The following CMSS1 variants were observed in gnomAD, a reference collection of about 807,000 sequenced individuals.
The protein encoded by CMSS1 is protein CMSS1.
Under a neutral mutation model 43.5 loss-of-function variants are expected in CMSS1, and 33 were observed. That is an observed-to-expected ratio of 0.76 (90% confidence interval 0.57 to 1.01). CMSS1 has a LOEUF of 1.01. CMSS1 is among the 50% of genes least tolerant of loss of function. The pLI is 0.00. For synonymous variants in CMSS1, 115 were observed against 117.2 expected, an observed-to-expected ratio of 0.98 and a Z score of 0.12; for missense variants, 313 against 326.4, an observed-to-expected ratio of 0.96 and a Z score of 0.32.
At chr3:99,890,785 T>C (rs369278540) in intron 1 of CMSS1, among the ~76,000 whole-genome samples, 1 of 152,232 alleles carries the variant, frequency 6.6e-6, no homozygotes, top group East Asian at 1.9e-4. Context: ...TATTTAAATA[T>C]CTGAGGTCTT....
chr3:100,026,833 T>C lies in CMSS1; in HGVS notation c.65-120140T>C, dbSNP rs1189710714. 2.6e-5 allele frequency among the ~76,000 whole-genome samples: 4 copies of C among 152,240 alleles called. No individual in the cohort carries two copies. The South Asian group carries it at 6.2e-4, about 24-fold the overall frequency. ...ATTCTTTCTCTCCTGCAGCCAGAAC[T>C]GTAAGTCAGATCACATCGCCCCACT... On this transcript the variant is annotated intron_variant, in intron 1 of 9. Coordinates refer to ENST00000421999, the MANE Select transcript of CMSS1 (RefSeq NM_032359.4).
At chr3:100,074,072 T>C (rs1221627066) in intron 1 of CMSS1, among the ~76,000 whole-genome samples, 2 of 152,194 alleles carry the variant, frequency 1.3e-5, no homozygotes, top group East Asian at 1.9e-4. Context: ...GCCTTTTTTT[T>C]CCCTTCCCTC....
intron 1 of CMSS1, among the ~76,000 whole-genome samples, chr3:100,005,749 G>T (rs1324125536): frequency 2.6e-5 from 4 of 152,176 alleles, no homozygotes; most frequent in Non-Finnish European, 5.9e-5. Context: ...TTGGTTATGA[G>T]GAAGAGTGTT....
intron 1 of CMSS1, among the ~76,000 whole-genome samples, chr3:99,990,554 A>T (rs923465735): frequency 6.6e-6 from 1 of 152,210 alleles, no homozygotes; most frequent in African/African-American, 2.4e-5. Flanking sequence ...GTTTTCAGTC[A>T]TGGCCACAAT....
chr3:99,924,549 G>A (rs1259529169), intron 1 of CMSS1: 12 of 827,478 alleles, frequency 1.5e-5, no homozygotes, highest in African/African-American at 1.7e-5. Flanking sequence ...AACAGTTTTC[G>A]CTGTCGTTGC....
At position 99,957,116 on chromosome 3, in the gene CMSS1, A is replaced by G. The variant is rs144255157; in HGVS notation, c.64+139073A>G. Reference sequence around the variant, plus strand: ...TAAAAATACTTGTGTTTATGTTTGTACATTTATTTTTTATTTGATATACAG... The same window carrying G: ...TAAAAATACTTGTGTTTATGTTTGTGCATTTATTTTTTATTTGATATACAG... On this transcript the variant is annotated intron_variant, in intron 1 of 9. Transcript: ENST00000421999. 6.3e-4 allele frequency among the ~76,000 whole-genome samples: 96 copies of G among 152,300 alleles called. No individual in the cohort carries two copies. In the East Asian group the frequency reaches 0.015, roughly 23 times the overall value.
intron 1 of CMSS1, chr3:100,114,913 A>C: frequency 6.6e-7 from 1 of 1,520,674 alleles, no homozygotes; most frequent in Non-Finnish European, 8.8e-7. Flanking sequence ...CTCAAACTTG[A>C]ATGCCTGCCT....
rs753092621 is a variant in CMSS1 at position 100,166,433 on chromosome 3, T to A, written c.415+39T>A. The stretch of plus-strand genomic sequence containing the variant: ...GATTTTAATCTATTTAAACTCATTC[T>A]TATTTTGCTCTGGTTTTGGGAATTT... On this transcript the variant is annotated intron_variant, in intron 5 of 9. Transcript: ENST00000421999. 3.3e-5 allele frequency: 45 copies of A among 1,356,642 alleles called. No individual in the cohort carries two copies. In the Middle Eastern group the frequency reaches 5.4e-4, roughly 16 times the overall value. 84.0% of individuals were successfully genotyped at this position (1,356,642 alleles called of 1,614,324 possible).
chr3:100,148,630 A>G lies in CMSS1; in HGVS notation c.153+1569A>G, dbSNP rs549125634. 1.3e-3 allele frequency among the ~76,000 whole-genome samples: 192 copies of G among 152,324 alleles called. 2 individuals carry two copies. Among genetic ancestry groups the G allele is most frequent in the African/African-American group, 4.3e-3 (179 of 41,562 alleles). Reference sequence around the variant, plus strand: ...CTCAGTCACCTTCTTGGTAAATGATAACAATTATTTCTTCCTCACAGAGTT... The same window carrying G: ...CTCAGTCACCTTCTTGGTAAATGATGACAATTATTTCTTCCTCACAGAGTT... On this transcript the variant is annotated intron_variant, in intron 2 of 9. Coordinates refer to ENST00000421999, the MANE Select transcript of CMSS1 (RefSeq NM_032359.4).
At chr3:99,823,548 A>AT (rs1942480902) in intron 1 of CMSS1, among the ~76,000 whole-genome samples, 1 of 151,880 alleles carries the variant, frequency 6.6e-6, no homozygotes, top group Non-Finnish European at 1.5e-5. Context: ...CTTTCTTTGC[A>AT]TTTTTCTTCG....
intron 1 of CMSS1, among the ~76,000 whole-genome samples, chr3:99,992,531 AGTT>A (rs1281213713): frequency 6.6e-6 from 1 of 151,174 alleles, no homozygotes; most frequent in Non-Finnish European, 1.5e-5. Flanking sequence ...TTTCTTGTTG[AGTT>A]GTTTGAGTTC....
chr3:100,049,597 T>C (rs554419322), intron 1 of CMSS1, among the ~76,000 whole-genome samples: 5 of 152,310 alleles, frequency 3.3e-5, no homozygotes, highest in Admixed American at 1.3e-4. Context: ...CAGAAATAAG[T>C]TGACCCTTGA....
At chr3:100,037,954 TTTGGGG>T (rs2065136043) in intron 1 of CMSS1, among the ~76,000 whole-genome samples, 1 of 135,802 alleles carries the variant, frequency 7.4e-6, no homozygotes, top group African/African-American at 2.8e-5. Context: ...TTTTTTTTTT[TTTGGGG>T]GGGGAGGGAA....
chr3:99,847,091 G>A (rs1943398030), intron 1 of CMSS1, among the ~76,000 whole-genome samples: 1 of 152,088 alleles, frequency 6.6e-6, no homozygotes, highest in Admixed American at 6.5e-5. Flanking sequence ...AATAATCACA[G>A]AAGAAATTCA....
intron 1 of CMSS1, chr3:99,848,309 G>A: frequency 6.2e-7 from 1 of 1,614,084 alleles, no homozygotes; most frequent in Non-Finnish European, 8.5e-7. Flanking sequence ...ATTTGTGATT[G>A]TCGAGGAAGA....
intron 1 of CMSS1, among the ~76,000 whole-genome samples, chr3:100,044,685 G>T (rs568354134): frequency 2.0e-5 from 3 of 152,286 alleles, no homozygotes; most frequent in East Asian, 3.9e-4. Flanking sequence ...ACCATTGAAA[G>T]ATTTTTTTAA....
chr3:99,864,038 T>G (rs1283765665), intron 1 of CMSS1, among the ~76,000 whole-genome samples: 1 of 152,218 alleles, frequency 6.6e-6, no homozygotes, highest in Non-Finnish European at 1.5e-5. Flanking sequence ...GCTAAAGAAA[T>G]TAAACTTTGT....
At chr3:99,952,892 T>C (rs905974202) in intron 1 of CMSS1, among the ~76,000 whole-genome samples, 1 of 152,148 alleles carries the variant, frequency 6.6e-6, no homozygotes, top group Non-Finnish European at 1.5e-5. Flanking sequence ...AAAAGAATGC[T>C]ATAGAGGTAT....
At chr3:99,991,191 A>G (rs1284238962) in intron 1 of CMSS1, among the ~76,000 whole-genome samples, 1 of 152,196 alleles carries the variant, frequency 6.6e-6, no homozygotes, top group Non-Finnish European at 1.5e-5. Context: ...ACTAATTTAC[A>G]AATAAGCAGC....
Sources: gnomAD v4.1 joint callset for allele counts (sites outside exome capture counted in the v4.1 genomes callset) on GRCh38, gnomAD v4.1.1 for gene constraint, MANE v1.5 for transcripts, NCBI Gene and HGNC (gene_info 2026-07-23, HGNC 2026-07-21) for gene names.